The following CSMD3 variants were observed in gnomAD, a reference collection of about 807,000 sequenced individuals.
The protein encoded by CSMD3 is CUB and sushi domain-containing protein 3.
In CSMD3, 177 loss-of-function variants were observed where a neutral mutation model predicts 435.2. That is an observed-to-expected ratio of 0.41 (90% CI 0.36 to 0.46). The LOEUF is 0.46. Ranked by LOEUF, CSMD3 falls within the 20% of genes least tolerant of loss-of-function variation. The pLI is 0.34. For synonymous variants in CSMD3, 1,656 were observed against 1,520.5 expected (o/e 1.09, Z -2.07); for missense variants, 4,265 against 4,504.6 (o/e 0.95, Z 1.52).
At chr8:112,732,514 T>G (rs2077095870) in intron 13 of CSMD3, among the ~76,000 whole-genome samples, 1 of 151,952 alleles carries the variant, frequency 6.6e-6, no homozygotes, top group Non-Finnish European at 1.5e-5. Flanking sequence ...AAGGATCACT[T>G]GAGGTCAGGA....
intron 5 of CSMD3, among the ~76,000 whole-genome samples, chr8:113,063,150 G>T (rs1314867765): frequency 6.6e-6 from 1 of 150,398 alleles, no homozygotes; most frequent in African/African-American, 2.4e-5. Flanking sequence ...TACTGGTAAA[G>T]CATCCAGCTA....
chr8:113,315,728 TA>T (rs1021771194), intron 1 of CSMD3, among the ~76,000 whole-genome samples: 3 of 149,410 alleles, frequency 2.0e-5, no homozygotes, highest in East Asian at 3.9e-4. Context: ...ATTAAATATA[TA>T]TTTTTTTGAG....
intron 13 of CSMD3, among the ~76,000 whole-genome samples, chr8:112,701,604 A>G (rs532052157): frequency 6.6e-6 from 1 of 152,252 alleles, no homozygotes; most frequent in East Asian, 1.9e-4. Flanking sequence ...TAATTTTAAG[A>G]AATTTTTTTG....
chr8:112,495,272 G>A (rs1209320761), intron 30 of CSMD3, among the ~76,000 whole-genome samples: 1 of 152,150 alleles, frequency 6.6e-6, no homozygotes, highest in Non-Finnish European at 1.5e-5. Flanking sequence ...GGAGGGTAGA[G>A]GAAGGATTTA....
At chr8:112,483,012 T>C (rs1038870400) in intron 31 of CSMD3, among the ~76,000 whole-genome samples, 1 of 152,220 alleles carries the variant, frequency 6.6e-6, no homozygotes, top group African/African-American at 2.4e-5. Context: ...GAGCCTAGCA[T>C]AGTACCTGTT....
chr8:112,374,320 A>C (rs1284025279), intron 38 of CSMD3, among the ~76,000 whole-genome samples: 1 of 151,688 alleles, frequency 6.6e-6, no homozygotes, highest in Non-Finnish European at 1.5e-5. Flanking sequence ...CTCCCCTATT[A>C]CCTCTCTTTT....
At chr8:112,443,383 G>A (rs1815253522) in intron 32 of CSMD3, among the ~76,000 whole-genome samples, 1 of 152,166 alleles carries the variant, frequency 6.6e-6, no homozygotes, top group African/African-American at 2.4e-5. Flanking sequence ...TACATTAAGA[G>A]CTGAGAAATA....
intron 13 of CSMD3, among the ~76,000 whole-genome samples, chr8:112,768,621 C>T (rs964208676): frequency 6.6e-6 from 1 of 151,890 alleles, no homozygotes; most frequent in African/African-American, 2.4e-5. Flanking sequence ...GTGGACTGCT[C>T]ACGTACAGCT....
intron 1 of CSMD3, among the ~76,000 whole-genome samples, chr8:113,383,249 G>A (rs1056874310): frequency 6.6e-6 from 1 of 152,130 alleles, no homozygotes; most frequent in Non-Finnish European, 1.5e-5. Flanking sequence ...GATGGGCAGG[G>A]ATGGGATCAG....
intron 3 of CSMD3, among the ~76,000 whole-genome samples, chr8:113,258,487 C>A (rs1335905328): frequency 2.6e-5 from 4 of 152,166 alleles, no homozygotes; most frequent in Non-Finnish European, 2.9e-5. Context: ...TGGCTATAAT[C>A]TGGCCAATTG....
chr8:112,586,142 A>AT (rs1830708592), intron 23 of CSMD3, among the ~76,000 whole-genome samples: 3 of 151,688 alleles, frequency 2.0e-5, no homozygotes, highest in African/African-American at 7.2e-5. Flanking sequence ...ATGAAATAAT[A>AT]TTTTTTTAAA....
chr8:112,984,908 T>G (rs918300133), intron 6 of CSMD3, among the ~76,000 whole-genome samples: 2 of 152,064 alleles, frequency 1.3e-5, no homozygotes, highest in Non-Finnish European at 2.9e-5. Flanking sequence ...TAAAAGGTAT[T>G]ACATTCCATC....
chr8:112,269,190 T>C (rs111630457), intron 59 of CSMD3, among the ~76,000 whole-genome samples: 4,510 of 152,294 alleles, frequency 0.03, 243 homozygotes, highest in African/African-American at 0.1. Context: ...TATGCTGGGA[T>C]ATCCCCAGCC....
intron 9 of CSMD3, among the ~76,000 whole-genome samples, chr8:112,924,357 T>C (rs2082843843): frequency 6.6e-6 from 1 of 152,118 alleles, no homozygotes. Context: ...CTTTAGGGGA[T>C]GGAGAAAGAA....
chr8:112,771,568 T>G (rs776479323), intron 13 of CSMD3, among the ~76,000 whole-genome samples: 1 of 151,514 alleles, frequency 6.6e-6, no homozygotes, highest in Non-Finnish European at 1.5e-5. Flanking sequence ...GAAAAAAAAG[T>G]AAAGTGTTTG....
chr8:112,958,227 G>T (rs1235774189), intron 7 of CSMD3, among the ~76,000 whole-genome samples: 1 of 152,098 alleles, frequency 6.6e-6, no homozygotes, highest in African/African-American at 2.4e-5. Flanking sequence ...AATAATTTTA[G>T]AAAGCATTAA....
chr8:113,407,159 T>C (rs754733378), intron 1 of CSMD3, among the ~76,000 whole-genome samples: 1 of 152,208 alleles, frequency 6.6e-6, no homozygotes, highest in Non-Finnish European at 1.5e-5. Context: ...CTTCCACTTA[T>C]GTTAGAAACT....
chr8:112,670,117 T>G (rs535725485), intron 16 of CSMD3, among the ~76,000 whole-genome samples: 19 of 152,252 alleles, frequency 1.2e-4, no homozygotes, highest in Admixed American at 8.5e-4. Flanking sequence ...ATAGAAGAGA[T>G]TCTGTTTAAT....
At chr8:112,666,606 CT>C (rs1713247407) in intron 16 of CSMD3, among the ~76,000 whole-genome samples, 191 bp from the exon 17 acceptor site, 1 of 152,084 alleles carries the variant, frequency 6.6e-6, no homozygotes, top group South Asian at 2.1e-4. Flanking sequence ...AGGTAATTTA[CT>C]TTTCAAAATA....
Sources: gnomAD v4.1 joint callset for allele counts (sites outside exome capture counted in the v4.1 genomes callset) on GRCh38, gnomAD v4.1.1 for gene constraint, MANE v1.5 for transcripts, NCBI Gene and HGNC (gene_info 2026-07-23, HGNC 2026-07-21) for gene names.